Variants in HTR2A observed in about 807,000 individuals in gnomAD.
HTR2A encodes 5-HT2 receptor.
Under a neutral mutation model 31.0 loss-of-function variants are expected in HTR2A, and 14 were observed. The observed-to-expected ratio is 0.45, with a 90% CI of 0.30 to 0.71. HTR2A has a LOEUF of 0.71. Among genes scored for constraint, HTR2A ranks in the 30% least tolerant of loss-of-function variants. The pLI is 0.09. For synonymous variants in HTR2A, 209 were observed against 225.2 expected (o/e 0.93, Z 0.64); for missense variants, 442 against 573.3 (o/e 0.77, Z 2.34).
chr13:46,897,088 T>C (rs6316), upstream of HTR2A: 5,117 of 440,608 alleles, frequency 0.012, 220 homozygotes, highest in African/African-American at 0.097. Flanking sequence ...CCTCCCTCTA[T>C]GTGTATGTCA....
At chr13:46,854,542 T>A (rs1437455273) in intron 3 of HTR2A, among the ~76,000 whole-genome samples, 1 of 152,214 alleles carries the variant, frequency 6.6e-6, no homozygotes, top group Non-Finnish European at 1.5e-5. Flanking sequence ...CTGCTGGAAC[T>A]AATTTTTATA....
intron 3 of HTR2A, among the ~76,000 whole-genome samples, chr13:46,853,058 A>G (rs751419297): frequency 9.2e-5 from 14 of 151,948 alleles, no homozygotes; most frequent in Non-Finnish European, 1.3e-4. Context: ...TTGTTAGGTA[A>G]AAGTTGGTCT....
chr13:46,856,861 C>G (rs977539050), intron 3 of HTR2A, among the ~76,000 whole-genome samples: 1 of 152,168 alleles, frequency 6.6e-6, no homozygotes, highest in African/African-American at 2.4e-5. Context: ...ATAACAGTCC[C>G]TGTTGTGCAG....
chr13:46,852,737 A>G (rs1027217064), intron 3 of HTR2A, among the ~76,000 whole-genome samples: 7 of 152,242 alleles, frequency 4.6e-5, no homozygotes, highest in Admixed American at 3.9e-4. Context: ...GCCTGTCCAC[A>G]TACAAGCTAT....
chr13:46,835,580 C>CT lies in HTR2A; in HGVS notation c.672_673insA (p.Gly225ArgfsTer8). On this transcript the variant is annotated frameshift_variant, in exon 4 of 4. Coordinates refer to ENST00000542664, the MANE Select transcript of HTR2A (RefSeq NM_000621.5). LOFTEE classifies it high-confidence loss of function. Reference sequence around the variant, plus strand: ...TTATCATCGGCGAGTAAGCAACTCCCCTCCTTAAAGACCTTCGAATCGTCC... The same window carrying CT: ...TTATCATCGGCGAGTAAGCAACTCCCTCTCCTTAAAGACCTTCGAATCGTCC... 1 of 1,614,016 alleles carries CT rather than the reference C, an allele frequency of 6.2e-7. No homozygotes were observed. Among genetic ancestry groups the CT allele is most frequent in the Admixed American group, 1.7e-5 (1 of 60,010 alleles).
intron 3 of HTR2A, among the ~76,000 whole-genome samples, chr13:46,875,807 C>G (rs1403704021): frequency 6.6e-6 from 1 of 152,212 alleles, no homozygotes; most frequent in African/African-American, 2.4e-5. Flanking sequence ...CAAAGTGGCT[C>G]TCCAAAAGTA....
At position 46,896,813 on chromosome 13, in the gene HTR2A, T is replaced by C; in HGVS notation, c.-468A>G. 1 of 1,537,130 alleles carries C rather than the reference T, an allele frequency of 6.5e-7. No homozygotes were observed. The highest frequency in any genetic ancestry group is 8.7e-7 in the Non-Finnish European group (1 of 1,146,884). On this transcript the variant is annotated 5_prime_UTR_variant, in exon 1 of 4. Coordinates refer to ENST00000542664, the MANE Select transcript of HTR2A (RefSeq NM_000621.5). ...TATGATAGTAATTTGGTTTCTGTTT[T>C]GCTGACTTCAAAAACTGCATGCAAG...
At chr13:46,846,028 C>T (rs1950640487) in intron 3 of HTR2A, among the ~76,000 whole-genome samples, 2 of 152,120 alleles carry the variant, frequency 1.3e-5, no homozygotes, top group Non-Finnish European at 2.9e-5. Context: ...GATTTGTAGC[C>T]TAGGAGCATT....
chr13:46,859,971 G>A (rs778661177), intron 3 of HTR2A, among the ~76,000 whole-genome samples: 6 of 152,070 alleles, frequency 3.9e-5, no homozygotes, highest in Non-Finnish European at 8.8e-5. Context: ...GCTCTTTTTA[G>A]CCAGTATCAT....
chr13:46,890,275 G>A (rs1003322672), intron 3 of HTR2A, among the ~76,000 whole-genome samples: 7 of 152,208 alleles, frequency 4.6e-5, no homozygotes, highest in Admixed American at 3.3e-4. Flanking sequence ...TGCGGGAGGC[G>A]GAGGTTGCGG....
chr13:46,889,113 A>G (rs1432804521), intron 3 of HTR2A, among the ~76,000 whole-genome samples: 1 of 152,180 alleles, frequency 6.6e-6, no homozygotes, highest in Non-Finnish European at 1.5e-5. Context: ...CTTACAGGCT[A>G]ACACTTTAAA....
At chr13:46,873,900 A>AG (rs1364646258) in intron 3 of HTR2A, among the ~76,000 whole-genome samples, 6 of 152,292 alleles carry the variant, frequency 3.9e-5, no homozygotes, top group East Asian at 1.9e-4. Context: ...AAAGGGCTAG[A>AG]GGGGAGGAGT....
At position 46,866,323 on chromosome 13, in the gene HTR2A, G is replaced by C. The variant is rs78652716; in HGVS notation, c.613+26067C>G. On this transcript the variant is annotated intron_variant, in intron 3 of 3. Coordinates refer to ENST00000542664, the MANE Select transcript of HTR2A (RefSeq NM_000621.5). ...CGCCCTTCAGCCTCAGCCTGGCCTC[G>C]TGGTTCCTCCCTTCTCTGCCTGCTT... Among the ~76,000 whole-genome samples the C allele has an allele frequency of 0.011, 1,728 of 152,030 alleles. 73 individuals are homozygous for C. The East Asian group carries it at 0.15, about 13-fold the overall frequency.
At chr13:46,889,473 A>G (rs1414948944) in intron 3 of HTR2A, among the ~76,000 whole-genome samples, 2 of 152,206 alleles carry the variant, frequency 1.3e-5, no homozygotes, top group East Asian at 1.9e-4. Context: ...ACTTAGGGAA[A>G]GTGGAAACTT....
At chr13:46,862,549 C>T (rs1950788368) in intron 3 of HTR2A, among the ~76,000 whole-genome samples, 1 of 152,076 alleles carries the variant, frequency 6.6e-6, no homozygotes, top group Admixed American at 6.6e-5. Flanking sequence ...ACATAGAGCC[C>T]CTTGCCCCGC....
At chr13:46,893,471 CT>C (rs2138256956) in intron 2 of HTR2A, among the ~76,000 whole-genome samples, 1 of 152,308 alleles carries the variant, frequency 6.6e-6, no homozygotes, top group Non-Finnish European at 1.5e-5. Context: ...GCTCTCACCC[CT>C]GGCTGCACAT....
chr13:46,883,996 A>C (rs925998757), intron 3 of HTR2A, among the ~76,000 whole-genome samples: 1 of 152,244 alleles, frequency 6.6e-6, no homozygotes, highest in African/African-American at 2.4e-5. Context: ...TGAGTGCAGG[A>C]AAACTTGACT....
chr13:46,895,890 T>C lies in HTR2A; in HGVS notation c.17A>G (p.Glu6Gly), dbSNP rs1418879482. ...AGTTGAGCTCAAAGAAGTATTTTCT[T>C]CACAAAGAATATCCATGTCTAAGCC... MDILCEENTSLSSTTN... is the reference protein window; with the variant it reads MDILCGENTSLSSTTN... The change falls in exon 2 of 4, where the codon GAA becomes GGA. Residue 6 changes from glutamate to glycine, a missense_variant. Physicochemically the swap from Glu to Gly is moderately conservative, Grantham distance 98 (BLOSUM62 -2). Coordinates refer to ENST00000542664, the MANE Select transcript of HTR2A (RefSeq NM_000621.5). This position sits in a 1 kb window ranked among gnomAD's most constrained non-coding sequence, Gnocchi z 4.4. 1 of 1,610,782 alleles carries C rather than the reference T, an allele frequency of 6.2e-7. No individual in the cohort carries two copies. The highest frequency in any genetic ancestry group is 1.1e-5 in the South Asian group (1 of 90,400).
intron 3 of HTR2A, among the ~76,000 whole-genome samples, chr13:46,850,141 A>G (rs904903532): frequency 9.2e-5 from 14 of 152,228 alleles, no homozygotes; most frequent in Non-Finnish European, 2.1e-4. Flanking sequence ...AGTTAATTTG[A>G]GGACTTTCCC....
Sources: gnomAD v4.1 joint callset for allele counts (sites outside exome capture counted in the v4.1 genomes callset) on GRCh38, gnomAD v4.1.1 for gene constraint, Gnocchi (gnomAD v3.1) non-coding constraint, MANE v1.5 for transcripts, NCBI Gene and HGNC (gene_info 2026-07-23, HGNC 2026-07-21) for gene names.